The following FRMPD3 variants were observed in gnomAD, a reference collection of about 807,000 sequenced individuals.
FRMPD3 encodes FERM and PDZ domain-containing protein 3.
FRMPD3 carries 42 observed loss-of-function variants against 97.9 expected under a neutral mutation model. The observed-to-expected ratio is 0.43, with a 90% CI of 0.34 to 0.55. The LOEUF is 0.55. Ranked by LOEUF, FRMPD3 falls within the 20% of genes least tolerant of loss-of-function variation. The pLI, the probability that FRMPD3 is intolerant of heterozygous loss-of-function variation, is 0.03. For missense variants in FRMPD3, 1,303 were observed against 1,457.7 expected (o/e 0.89, Z 1.73); for synonymous variants, 577 against 581.1 (o/e 0.99, Z 0.10).
chrX:107,504,136 G>A (rs751426808), intron 1 of FRMPD3, among the ~76,000 whole-genome samples: 7 of 112,776 alleles, frequency 6.2e-5, no homozygotes, highest in Admixed American at 1.9e-4. Flanking sequence ...AGCCTCAGCC[G>A]CAAGAGGAAC....
intron 12 of FRMPD3, among the ~76,000 whole-genome samples, chrX:107,571,986 C>G (rs1007580384): frequency 8.9e-6 from 1 of 112,637 alleles, no homozygotes; most frequent in Non-Finnish European, 1.9e-5. Flanking sequence ...TTGGGTAGCT[C>G]TCTATACGTT....
intron 3 of FRMPD3, 36 bp from the exon 4 acceptor site, chrX:107,533,469 G>T (rs765312129): frequency 7.8e-6 from 9 of 1,157,541 alleles, no homozygotes; most frequent in Non-Finnish European, 1.1e-5. Flanking sequence ...CCTAGTGCAT[G>T]ATACACTACT....
chrX:107,572,985 G>A (rs766337815), intron 12 of FRMPD3, among the ~76,000 whole-genome samples: 9 of 111,128 alleles, frequency 8.1e-5, no homozygotes, highest in African/African-American at 2.9e-4. Context: ...CAAGTGGGTA[G>A]AAACTAGAGG....
intron 4 of FRMPD3, among the ~76,000 whole-genome samples, chrX:107,543,613 C>T (rs1426108930): frequency 2.7e-5 from 3 of 109,973 alleles, no homozygotes; most frequent in Non-Finnish European, 3.8e-5. Flanking sequence ...GTCAGTAGTT[C>T]GAGACCAGCC....
At chrX:107,558,451 A>AC (rs926643497) in intron 8 of FRMPD3, among the ~76,000 whole-genome samples, 5 of 110,520 alleles carry the variant, frequency 4.5e-5, no homozygotes, top group Non-Finnish European at 9.5e-5. Flanking sequence ...ACATAGTGAG[A>AC]CCCCCATCTC....
intron 1 of FRMPD3, among the ~76,000 whole-genome samples, chrX:107,506,071 C>A (rs1273089580): frequency 3.6e-5 from 4 of 112,429 alleles, no homozygotes; most frequent in African/African-American, 1.3e-4. Flanking sequence ...CTAGCATAAC[C>A]CAGACCTCGA....
chrX:107,579,711 G>A (rs1163983785), intron 13 of FRMPD3, among the ~76,000 whole-genome samples: 1 of 111,448 alleles, frequency 9.0e-6, no homozygotes, highest in Non-Finnish European at 1.9e-5. Context: ...ATGAGGTTGT[G>A]GGCAATCTAA....
intron 13 of FRMPD3, among the ~76,000 whole-genome samples, chrX:107,596,518 A>T (rs1924174543): frequency 8.9e-6 from 1 of 112,413 alleles, no homozygotes; most frequent in Non-Finnish European, 1.9e-5. Context: ...TTTGCTATAG[A>T]TAATTCTCAG....
intron 13 of FRMPD3, among the ~76,000 whole-genome samples, chrX:107,589,967 A>G (rs1923829535): frequency 9.0e-6 from 1 of 111,461 alleles, no homozygotes; most frequent in Admixed American, 9.5e-5. Flanking sequence ...CCTGGCCAAT[A>G]TGGTGAAACC....
At chrX:107,485,568 G>GAT (rs1921483102) in intron 1 of FRMPD3, among the ~76,000 whole-genome samples, 2 of 112,502 alleles carry the variant, frequency 1.8e-5, no homozygotes, top group Admixed American at 1.9e-4. Context: ...TGTTCAATAA[G>GAT]ATAGGTATCT....
chrX:107,583,292 T>C (rs1366582060), intron 13 of FRMPD3, among the ~76,000 whole-genome samples: 2 of 108,873 alleles, frequency 1.8e-5, no homozygotes, highest in African/African-American at 3.3e-5. Flanking sequence ...CCTGTGTCCA[T>C]ATTTTCTCAT....
chrX:107,512,541 C>T (rs1387167413), intron 1 of FRMPD3, among the ~76,000 whole-genome samples: 1 of 111,706 alleles, frequency 9.0e-6, no homozygotes, highest in African/African-American at 3.3e-5. Context: ...CTCTTTTCCT[C>T]TCCTCCTTTG....
chrX:107,579,691 T>C (rs916422372), intron 13 of FRMPD3, among the ~76,000 whole-genome samples: 2 of 111,661 alleles, frequency 1.8e-5, no homozygotes, highest in African/African-American at 6.5e-5. Context: ...ATGCCAGTTC[T>C]CTATCTGTAA....
intron 4 of FRMPD3, among the ~76,000 whole-genome samples, chrX:107,535,522 A>T (rs1317804991): frequency 2.7e-5 from 3 of 109,843 alleles, no homozygotes; most frequent in African/African-American, 1.0e-4. Flanking sequence ...ATACAAAAAA[A>T]ATTAGGCTGG....
intron 1 of FRMPD3, among the ~76,000 whole-genome samples, chrX:107,492,375 C>T (rs1921680858): frequency 9.0e-6 from 1 of 111,587 alleles, no homozygotes; most frequent in Non-Finnish European, 1.9e-5. Flanking sequence ...CAAAGTCACT[C>T]CAGGTAGAGT....
At chrX:107,488,883 G>A (rs1022424796) in intron 1 of FRMPD3, among the ~76,000 whole-genome samples, 4 of 108,543 alleles carry the variant, frequency 3.7e-5, no homozygotes, top group African/African-American at 6.7e-5. Context: ...TGTGCACAAC[G>A]CGCAGGTTTG....
intron 13 of FRMPD3, among the ~76,000 whole-genome samples, chrX:107,587,785 T>C: frequency 9.0e-6 from 1 of 110,634 alleles, no homozygotes; most frequent in Non-Finnish European, 1.9e-5. Context: ...GTCCTCAATA[T>C]TTTTTTTTAG....
At chrX:107,511,114 G>A (rs185228335) in intron 1 of FRMPD3, among the ~76,000 whole-genome samples, 3 of 112,334 alleles carry the variant, frequency 2.7e-5, no homozygotes, top group Admixed American at 9.4e-5. Context: ...CATGGGAGTT[G>A]AGGATGGAGG....
chrX:107,520,656 AAAC>A (rs1000813977), intron 1 of FRMPD3, among the ~76,000 whole-genome samples: 5 of 111,344 alleles, frequency 4.5e-5, no homozygotes, highest in African/African-American at 1.3e-4. Context: ...CTCAAAAACA[AAAC>A]AACAACAACA....
Sources: allele counts gnomAD v4.1 joint callset (sites outside exome capture counted in the v4.1 genomes callset), GRCh38; gene constraint gnomAD v4.1.1; transcripts MANE v1.5; gene names NCBI Gene and HGNC (gene_info 2026-07-23, HGNC 2026-07-21).